The following CADPS variants were observed in gnomAD, a reference collection of about 807,000 sequenced individuals.
CADPS encodes calcium-dependent secretion activator 1.
A neutral mutation model predicts 167.3 loss-of-function variants in CADPS; 57 were observed. The observed-to-expected ratio is 0.34, with a 90% confidence interval of 0.28 to 0.42. The LOEUF (loss-of-function observed/expected upper bound fraction) is 0.42, where lower values mean the gene tolerates loss of function less well. CADPS is among the 20% of genes least tolerant of loss of function. The pLI, the probability that CADPS is intolerant of heterozygous loss-of-function variation, is 1.00. For synonymous variants in CADPS, 676 were observed against 635.3 expected (o/e 1.06, Z -0.96); for missense variants, 1,414 against 1,738.1 (o/e 0.81, Z 3.32).
intron 28 of CADPS, chr3:62,403,855 A>G (rs559280342): frequency 6.6e-6 from 1 of 152,344 alleles, no homozygotes; most frequent in Non-Finnish European, 1.5e-5. Context: ...ATGAGAGAAA[A>G]AAAAACCATC....
intron 3 of CADPS, among the ~76,000 whole-genome samples, chr3:62,721,758 T>C (rs149342268): frequency 1.6e-3 from 241 of 152,296 alleles, no homozygotes; most frequent in African/African-American, 5.2e-3. Context: ...ATGCACATTA[T>C]TTAATTTAAT....
intron 4 of CADPS, among the ~76,000 whole-genome samples, chr3:62,660,637 C>T (rs1009821268): frequency 3.9e-5 from 6 of 152,184 alleles, no homozygotes; most frequent in Non-Finnish European, 8.8e-5. Flanking sequence ...GGAGACACCT[C>T]TTTCCATAAA....
intron 1 of CADPS, among the ~76,000 whole-genome samples, chr3:62,799,421 C>T (rs2093634882): frequency 6.6e-6 from 1 of 152,088 alleles, no homozygotes; most frequent in South Asian, 2.1e-4. Flanking sequence ...AAACACTCTT[C>T]CTTGATATCT....
rs990088526 is a variant in CADPS, at chr3:62,602,476, G to A, written c.1326-9728C>T. Among the ~76,000 whole-genome samples, 1 of 152,186 alleles carries A rather than the reference G, an allele frequency of 6.6e-6. No homozygotes were observed. The highest frequency in any genetic ancestry group is 2.4e-5 in the African/African-American group (1 of 41,450). Reference sequence around the variant, plus strand: ...GAAAGTGCCGTGGTCCTGTTGCTAAGAAGGAAAGTTAATAATTGCCTGGAG... The same window carrying A: ...GAAAGTGCCGTGGTCCTGTTGCTAAAAAGGAAAGTTAATAATTGCCTGGAG... On this transcript the variant is annotated intron_variant, in intron 6 of 29. Transcript: ENST00000383710. The surrounding 1 kb of genome is among the most constrained non-coding windows in gnomAD (Gnocchi z 4.4).
At chr3:62,447,504 T>C (rs1031008186) in intron 26 of CADPS, among the ~76,000 whole-genome samples, 1 of 152,182 alleles carries the variant, frequency 6.6e-6, no homozygotes, top group Non-Finnish European at 1.5e-5. Flanking sequence ...GCTATCTTGG[T>C]CTTGCTCATG....
chr3:62,445,408 T>G (rs1255079407), intron 27 of CADPS, among the ~76,000 whole-genome samples: 1 of 152,166 alleles, frequency 6.6e-6, no homozygotes, highest in Non-Finnish European at 1.5e-5. Flanking sequence ...TTGTGCAAGT[T>G]TCTAGCTTCA....
At chr3:62,834,575 T>C (rs552388458) in intron 1 of CADPS, among the ~76,000 whole-genome samples, 1 of 152,310 alleles carries the variant, frequency 6.6e-6, no homozygotes, top group South Asian at 2.1e-4. Flanking sequence ...CACCTTATCC[T>C]TCCTCATCAG....
chr3:62,737,252 C>T (rs2079162704), intron 3 of CADPS, among the ~76,000 whole-genome samples: 1 of 151,920 alleles, frequency 6.6e-6, no homozygotes, highest in Admixed American at 6.6e-5. Flanking sequence ...AGTTCGAGAC[C>T]AGCCTGGGTA....
chr3:62,704,738 G>A (rs866998666), intron 3 of CADPS, among the ~76,000 whole-genome samples: 14 of 152,122 alleles, frequency 9.2e-5, no homozygotes, highest in South Asian at 2.1e-4. Flanking sequence ...GTATAAAAAG[G>A]TGCCATCAAA....
chr3:62,691,727 G>A (rs752212298), intron 3 of CADPS, among the ~76,000 whole-genome samples: 2 of 152,020 alleles, frequency 1.3e-5, no homozygotes, highest in Non-Finnish European at 2.9e-5. Context: ...GGAGCTGAAT[G>A]ATGAGAACAC....
chr3:62,453,470 A>G (rs1295501408), intron 26 of CADPS, among the ~76,000 whole-genome samples: 1 of 152,204 alleles, frequency 6.6e-6, no homozygotes, highest in Non-Finnish European at 1.5e-5. Flanking sequence ...CATGGTTTAG[A>G]GGTATGTCCT....
intron 1 of CADPS, among the ~76,000 whole-genome samples, chr3:62,805,757 A>ATGCTTTTC (rs2094051813): frequency 6.6e-6 from 1 of 152,160 alleles, no homozygotes; most frequent in African/African-American, 2.4e-5. Flanking sequence ...TCCTTGCCTG[A>ATGCTTTTC]TGCTTTTCTG....
At chr3:62,626,852 T>C (rs1019088986) in intron 6 of CADPS, among the ~76,000 whole-genome samples, 1 of 152,156 alleles carries the variant, frequency 6.6e-6, no homozygotes, top group Non-Finnish European at 1.5e-5. Flanking sequence ...TATGCTGATA[T>C]GTTGTGAGGG....
chr3:62,801,069 T>A (rs2093732948), intron 1 of CADPS, among the ~76,000 whole-genome samples: 1 of 152,176 alleles, frequency 6.6e-6, no homozygotes, highest in Admixed American at 6.6e-5. Context: ...GTGTGGTGAC[T>A]AACCTTGGAC....
intron 3 of CADPS, among the ~76,000 whole-genome samples, chr3:62,702,257 T>C (rs1580745918): frequency 6.6e-6 from 1 of 152,280 alleles, no homozygotes; most frequent in East Asian, 1.9e-4. Flanking sequence ...GCTTTACAGA[T>C]TCATTGATGC....
intron 3 of CADPS, among the ~76,000 whole-genome samples, chr3:62,681,540 T>C (rs1439056903): frequency 1.3e-5 from 2 of 152,078 alleles, no homozygotes; most frequent in Admixed American, 6.6e-5. Context: ...GATGTTATTA[T>C]TTGCGTACAC....
At chr3:62,450,670 G>C (rs2150065685) in intron 26 of CADPS, among the ~76,000 whole-genome samples, 1 of 152,328 alleles carries the variant, frequency 6.6e-6, no homozygotes, top group African/African-American at 2.4e-5. Flanking sequence ...CAAATCCAGA[G>C]AGGCTGACGG....
intron 6 of CADPS, among the ~76,000 whole-genome samples, chr3:62,607,445 C>A (rs2149224348): frequency 6.6e-6 from 1 of 152,318 alleles, no homozygotes; most frequent in South Asian, 2.1e-4. Flanking sequence ...AAGCCCTAAC[C>A]ACATCAAAGG....
intron 20 of CADPS, 131 bp downstream of exon 20, chr3:62,492,159 G>A: frequency 1.3e-6 from 1 of 750,684 alleles, no homozygotes. Context: ...CTTTTTGGGG[G>A]GTGGGGTTAA....
Sources: allele counts gnomAD v4.1 joint callset (sites outside exome capture counted in the v4.1 genomes callset), GRCh38; gene constraint gnomAD v4.1.1; non-coding constraint Gnocchi (gnomAD v3.1); transcripts MANE v1.5; gene names NCBI Gene and HGNC (gene_info 2026-07-23, HGNC 2026-07-21).